OCA2: variants seen among roughly 807,000 people sequenced by gnomAD.
OCA2 encodes the protein P protein.
Under a neutral mutation model 100.2 loss-of-function variants are expected in OCA2, and 77 were observed. The ratio of observed to expected loss-of-function variants is 0.77; its 90% CI spans 0.64 to 0.93. The LOEUF is 0.93. OCA2 is among the 40% of genes least tolerant of loss of function. The probability of loss-of-function intolerance (pLI) is 0.00; values close to 1 mark genes in which losing one functional copy is unlikely to be tolerated. For synonymous variants in OCA2, 432 were observed against 439.2 expected, an observed-to-expected ratio of 0.98 and a Z score of 0.21; for missense variants, 1,062 against 1,089.1, an observed-to-expected ratio of 0.98 and a Z score of 0.35.
intron 16 of OCA2, among the ~76,000 whole-genome samples, chr15:27,956,397 T>C (rs971695061): frequency 6.6e-6 from 1 of 152,176 alleles, no homozygotes; most frequent in African/African-American, 2.4e-5. Flanking sequence ...GACACCCTCA[T>C]GGTAATCTGC....
At chr15:28,000,851 T>C (rs1267769130) in intron 9 of OCA2, among the ~76,000 whole-genome samples, 12 of 152,104 alleles carry the variant, frequency 7.9e-5, no homozygotes. Context: ...CCCAGGTACA[T>C]GAAAAGGTGC....
At chr15:27,827,694 A>C (rs1190916650) in intron 23 of OCA2, among the ~76,000 whole-genome samples, 1 of 152,234 alleles carries the variant, frequency 6.6e-6, no homozygotes, top group East Asian at 1.9e-4. Context: ...ATTTTATTTT[A>C]AGCTTAGTGG....
the OCA2 span, among the ~76,000 whole-genome samples, chr15:27,747,186 C>G: frequency 6.6e-6 from 1 of 152,178 alleles, no homozygotes; most frequent in African/African-American, 2.4e-5. Context: ...TCCACCCCAG[C>G]CTCATGCCAG....
At chr15:28,039,365 C>T (rs1476952099) in intron 2 of OCA2, among the ~76,000 whole-genome samples, 1 of 152,196 alleles carries the variant, frequency 6.6e-6, no homozygotes, top group Non-Finnish European at 1.5e-5. Flanking sequence ...CTAATGTGCA[C>T]ATGAAACGTT....
At chr15:27,935,522 T>A (rs1399196519) in intron 18 of OCA2, among the ~76,000 whole-genome samples, 1 of 152,206 alleles carries the variant, frequency 6.6e-6, no homozygotes, top group African/African-American at 2.4e-5. Flanking sequence ...AGGCATTTGC[T>A]GGGCATCTCT....
chr15:27,780,958 T>G (rs1477367234), intron 23 of OCA2, among the ~76,000 whole-genome samples: 3 of 152,222 alleles, frequency 2.0e-5, no homozygotes, highest in Non-Finnish European at 4.4e-5. Flanking sequence ...TATTCTGACA[T>G]TATATAAAAG....
intron 2 of OCA2, among the ~76,000 whole-genome samples, chr15:28,076,574 G>A (rs6497264): frequency 0.056 from 8,497 of 152,086 alleles, 788 homozygotes; most frequent in African/African-American, 0.2. Context: ...TTGGCCGGGC[G>A]CGGTGGCTCA....
intron 2 of OCA2, among the ~76,000 whole-genome samples, chr15:28,066,696 C>T (rs2044035055): frequency 1.3e-5 from 2 of 152,092 alleles, no homozygotes; most frequent in Non-Finnish European, 2.9e-5. Flanking sequence ...TGTAGAGAAT[C>T]CCCTTCCCTT....
chr15:27,876,806 G>A (rs1310169657), intron 19 of OCA2, among the ~76,000 whole-genome samples: 1 of 151,564 alleles, frequency 6.6e-6, no homozygotes, highest in Non-Finnish European at 1.5e-5. Context: ...GATGATATTG[G>A]TGATGTGTGT....
At position 28,014,803 on chromosome 15, in the gene OCA2, C is replaced by T. The variant is rs939640240; in HGVS notation, c.1017G>A (p.Ala339=). 13 of 1,613,880 alleles carry T rather than the reference C, an allele frequency of 8.1e-6. No individual in the cohort carries two copies. Among genetic ancestry groups the T allele is most frequent in the Admixed American group, 6.7e-5 (4 of 60,006 alleles). The change falls in exon 9 of 24, where the codon GCG becomes GCA. Residue 339 remains alanine (A), a synonymous_variant. Coordinates refer to ENST00000354638, the MANE Select transcript of OCA2 (RefSeq NM_000275.3). The stretch of plus-strand genomic sequence containing the variant: ...CAAATATGATCAGCGCGTAGACGCC[C>T]GCGAGGATGGCCGTCGCGATGGTCA... ...TQVTIATAIL[A]GVYALIIFEI... is the part of the protein sequence containing the mutation.
chr15:27,921,280 G>C (rs1280490466), intron 19 of OCA2, among the ~76,000 whole-genome samples: 1 of 151,954 alleles, frequency 6.6e-6, no homozygotes, highest in Non-Finnish European at 1.5e-5. Flanking sequence ...AAGCAATGGA[G>C]ACCCGAAGTC....
intron 23 of OCA2, among the ~76,000 whole-genome samples, chr15:27,775,205 C>T: frequency 6.6e-6 from 1 of 152,118 alleles, no homozygotes; most frequent in South Asian, 2.1e-4. Context: ...CCGCCCCCTA[C>T]GGGATATGCT....
At chr15:28,020,023 G>A (rs1421049023) in intron 6 of OCA2, among the ~76,000 whole-genome samples, 1 of 152,156 alleles carries the variant, frequency 6.6e-6, no homozygotes, top group Admixed American at 6.5e-5. Context: ...CGCAGCACCC[G>A]TCTTCCCCCC....
intron 9 of OCA2, among the ~76,000 whole-genome samples, chr15:27,996,595 G>GA (rs71132828): frequency 0.6 from 90,118 of 149,548 alleles, 31,161 homozygotes; most frequent in Non-Finnish European, 0.79. Flanking sequence ...GACCTACCAA[G>GA]AAAAAAAAAG....
In OCA2 at chr15:27,846,640, G is replaced by A. The variant is rs186396552; in HGVS notation, c.2339-1588C>T. 2.3e-3 allele frequency among the ~76,000 whole-genome samples: 352 copies of A among 152,286 alleles called. 2 individuals are homozygous for A. The highest frequency in any genetic ancestry group is 8.2e-3 in the African/African-American group (340 of 41,552). ...ATTTCACCCTGTCTGCTGTGGGCGTGGATTCCTGATCTGCGAGGGACCACT... is the reference window on the plus strand; with the variant it reads ...ATTTCACCCTGTCTGCTGTGGGCGTAGATTCCTGATCTGCGAGGGACCACT... On this transcript the variant is annotated intron_variant, in intron 22 of 23. Coordinates refer to ENST00000354638, the MANE Select transcript of OCA2 (RefSeq NM_000275.3).
the OCA2 span, among the ~76,000 whole-genome samples, chr15:27,724,310 C>T: frequency 2.0e-5 from 3 of 152,044 alleles, no homozygotes; most frequent in East Asian, 1.9e-4. Flanking sequence ...GAGTTAGCCC[C>T]GGGCCTCTCC....
chr15:27,902,044 G>A (rs542941576), intron 19 of OCA2, among the ~76,000 whole-genome samples: 2 of 152,300 alleles, frequency 1.3e-5, no homozygotes, highest in South Asian at 4.1e-4. Flanking sequence ...TAAAATGAAA[G>A]GATTTGATTA....
chr15:28,069,401 TCCCCTTCCCCCTCCCCCTCC>T (rs2044138586), intron 2 of OCA2, among the ~76,000 whole-genome samples: 1 of 5,080 alleles, frequency 2.0e-4, no homozygotes, highest in African/African-American at 2.6e-3. Flanking sequence ...CCCCTCCCCC[TCCCCTTCCCCCTCCCCCTCC>T]CCCTCCCCCT....
rs752658965 is a variant in OCA2, at chr15:27,851,415, T to C, written c.2305A>G (p.Met769Val). The change falls in exon 22 of 24, where the codon ATG becomes GTG. Residue 769 changes from methionine (M) to valine (V), a missense_variant. Physicochemically the swap from Met to Val is conservative, Grantham distance 21 (BLOSUM62 1). Coordinates refer to ENST00000354638, the MANE Select transcript of OCA2 (RefSeq NM_000275.3). ...PEVGLPAPPL[M>V]YALAFGACLG... ...CAAGCACCGAAGGCCAGGGCATACA[T>C]GAGCGGCGGTGCGGGCAGGCCAACC... 3 of 1,613,848 alleles carry C rather than the reference T, an allele frequency of 1.9e-6. No homozygotes were observed. The highest frequency in any genetic ancestry group is 2.5e-6 in the Non-Finnish European group (3 of 1,179,986).
Sources: allele counts gnomAD v4.1 joint callset (sites outside exome capture counted in the v4.1 genomes callset), GRCh38; gene constraint gnomAD v4.1.1; transcripts MANE v1.5; gene names NCBI Gene and HGNC (gene_info 2026-07-23, HGNC 2026-07-21).